MYLK4: variants seen among roughly 807,000 people sequenced by gnomAD.
MYLK4 encodes the protein caMLCK like.
Under a neutral mutation model 48.1 loss-of-function variants are expected in MYLK4, and 46 were observed. The observed-to-expected ratio is 0.96, with a 90% CI of 0.75 to 1.22. The LOEUF (loss-of-function observed/expected upper bound fraction) is 1.22. Ranked by LOEUF, MYLK4 falls within the 50% of genes most tolerant of loss-of-function variation. The probability of loss-of-function intolerance (pLI) is 0.00; values close to 1 mark genes in which losing one functional copy is unlikely to be tolerated. For synonymous variants in MYLK4, 170 were observed against 180.8 expected (o/e 0.94, Z 0.48); for missense variants, 451 against 486.1 (o/e 0.93, Z 0.68).
chr6:2,708,225 A>T (rs1252801933), intron 2 of MYLK4, among the ~76,000 whole-genome samples: 9 of 152,240 alleles, frequency 5.9e-5, no homozygotes, highest in African/African-American at 2.2e-4. Context: ...ATCTACAAAC[A>T]TATTCATACT....
At chr6:2,743,992 G>C in intron 2 of MYLK4, 1 of 398,894 alleles carries the variant, frequency 2.5e-6, no homozygotes, top group East Asian at 3.6e-5. Flanking sequence ...GAAGGCACAC[G>C]CTACCTACAA....
At chr6:2,762,907 T>G in the MYLK4 span, among the ~76,000 whole-genome samples, 1 of 152,190 alleles carries the variant, frequency 6.6e-6, no homozygotes, top group East Asian at 1.9e-4. Context: ...AAGCTACAAG[T>G]CTCCACAGTG....
chr6:2,682,313 G>A (rs1475067272), intron 7 of MYLK4, among the ~76,000 whole-genome samples: 3 of 152,188 alleles, frequency 2.0e-5, no homozygotes, highest in Non-Finnish European at 2.9e-5. Context: ...TTGGGCCTAG[G>A]TCTTTTATTG....
chr6:2,669,975 C>T (rs183705071), intron 12 of MYLK4, among the ~76,000 whole-genome samples: 1 of 152,332 alleles, frequency 6.6e-6, no homozygotes, highest in East Asian at 1.9e-4. Context: ...TCTACCCCAT[C>T]TTATTCCACA....
At chr6:2,692,989 T>A in intron 2 of MYLK4, 130 bp from the exon 3 acceptor site, 1 of 794,732 alleles carries the variant, frequency 1.3e-6, no homozygotes, top group Non-Finnish European at 2.0e-6. Flanking sequence ...GACAGCAGCA[T>A]CACTGGCCTC....
At chr6:2,678,749 T>C (rs1251090474) in intron 9 of MYLK4, among the ~76,000 whole-genome samples, 1 of 148,366 alleles carries the variant, frequency 6.7e-6, no homozygotes, top group Non-Finnish European at 1.5e-5. Context: ...TCTCGCTGTG[T>C]CACCAGGCTG....
At chr6:2,690,542 G>A (rs1761735664) in intron 3 of MYLK4, among the ~76,000 whole-genome samples, 1 of 152,104 alleles carries the variant, frequency 6.6e-6, no homozygotes. Flanking sequence ...ACAGTGTTTT[G>A]GTGACGAGGA....
rs988314340 is a variant in MYLK4, at chr6:2,672,197, T to A, written c.1120-849A>T. On this transcript the variant is annotated intron_variant, in intron 11 of 12. Coordinates refer to ENST00000274643, the MANE Select transcript of MYLK4 (RefSeq NM_001012418.5). This position sits in a 1 kb window ranked among gnomAD's most constrained non-coding sequence, Gnocchi z 4.3. ...AAGAAAACATGTCAAATTTGTGTCG[T>A]GTTCCTTCCTCTGGCCCCAGAACCC... Among the ~76,000 whole-genome samples, 1 of 152,182 alleles carries A rather than the reference T, an allele frequency of 6.6e-6. No homozygotes were observed. Among genetic ancestry groups the A allele is most frequent in the Non-Finnish European group, 1.5e-5 (1 of 68,026 alleles).
chr6:2,671,762 T>C (rs1243091068), intron 11 of MYLK4, among the ~76,000 whole-genome samples: 1 of 152,154 alleles, frequency 6.6e-6, no homozygotes, highest in Admixed American at 6.5e-5. Context: ...TAGACAACGG[T>C]AATGTGAATT....
chr6:2,716,257 A>G (rs1282681360), intron 2 of MYLK4, among the ~76,000 whole-genome samples: 2 of 152,212 alleles, frequency 1.3e-5, no homozygotes, highest in Non-Finnish European at 2.9e-5. Flanking sequence ...ATCATAGTTA[A>G]CCAAAACATC....
the MYLK4 span, among the ~76,000 whole-genome samples, chr6:2,762,925 C>A: frequency 6.6e-6 from 1 of 152,142 alleles, no homozygotes; most frequent in African/African-American, 2.4e-5. Context: ...GTGAGTATTA[C>A]CACTCATTAA....
At chr6:2,751,121 G>A (rs561081361), upstream of MYLK4, among the ~76,000 whole-genome samples, 4 of 152,214 alleles carry the variant, frequency 2.6e-5, no homozygotes, top group Admixed American at 1.3e-4. Context: ...CCTTTCCCTC[G>A]TATCATTGTG....
At chr6:2,675,476 A>G (rs1367758435) in intron 10 of MYLK4, among the ~76,000 whole-genome samples, 1 of 152,258 alleles carries the variant, frequency 6.6e-6, no homozygotes, top group African/African-American at 2.4e-5. Flanking sequence ...TATTATTGTA[A>G]GAACAAAATG....
chr6:2,752,378 T>C (rs1764315042), upstream of MYLK4, among the ~76,000 whole-genome samples: 1 of 152,084 alleles, frequency 6.6e-6, no homozygotes, highest in East Asian at 1.9e-4. Flanking sequence ...AACTCAATAC[T>C]TTATTGTTGC....
intron 2 of MYLK4, among the ~76,000 whole-genome samples, chr6:2,720,407 C>CAA (rs60764100): frequency 1.3e-5 from 2 of 150,008 alleles, no homozygotes; most frequent in African/African-American, 4.9e-5. Context: ...CATCTAAAAA[C>CAA]AAAAAAAAAA....
In MYLK4 at chr6:2,672,410, T is replaced by C. The variant is rs1472272832; in HGVS notation, c.1120-1062A>G. The stretch of plus-strand genomic sequence containing the variant: ...CAGAGGGCAGAGAACTCTCGGATGT[T>C]AACTTCTAAGAAAAAAAAATCCTTC... On this transcript the variant is annotated intron_variant, in intron 11 of 12. Coordinates refer to ENST00000274643, the MANE Select transcript of MYLK4 (RefSeq NM_001012418.5). The surrounding 1 kb of genome is among the most constrained non-coding windows in gnomAD (Gnocchi z 4.3). Among the ~76,000 whole-genome samples the C allele has an allele frequency of 6.6e-6, 1 of 152,210 alleles. No homozygotes were observed. Among genetic ancestry groups the C allele is most frequent in the Non-Finnish European group, 1.5e-5 (1 of 68,038 alleles).
chr6:2,717,470 T>C (rs1219336084), intron 2 of MYLK4, among the ~76,000 whole-genome samples: 3 of 152,186 alleles, frequency 2.0e-5, no homozygotes, highest in Non-Finnish European at 4.4e-5. Flanking sequence ...ATATGGCTGT[T>C]GGGCGTTGGG....
At chr6:2,691,311 G>T (rs1761787983) in intron 3 of MYLK4, among the ~76,000 whole-genome samples, 1 of 152,082 alleles carries the variant, frequency 6.6e-6, no homozygotes, top group Non-Finnish European at 1.5e-5. Flanking sequence ...CCAAGATGAG[G>T]TTTCAGATAC....
chr6:2,765,420 C>G, the MYLK4 span: 1 of 504,232 alleles, frequency 2.0e-6, no homozygotes, highest in Non-Finnish European at 2.9e-6. Flanking sequence ...GCGTGAGGCG[C>G]TGCCAGCGGC....
Sources: allele counts gnomAD v4.1 joint callset (sites outside exome capture counted in the v4.1 genomes callset), GRCh38; gene constraint gnomAD v4.1.1; non-coding constraint Gnocchi (gnomAD v3.1); transcripts MANE v1.5; gene names NCBI Gene and HGNC (gene_info 2026-07-23, HGNC 2026-07-21).